Variants in SORCS2 observed in about 807,000 individuals in gnomAD.
The protein encoded by SORCS2 is sortilin related VPS10 domain containing receptor 2.
In SORCS2, 100 loss-of-function variants were observed where a neutral mutation model predicts 141.6. That is an observed-to-expected ratio of 0.71 (90% CI 0.60 to 0.83). The LOEUF is 0.83. Ranked by LOEUF, SORCS2 falls within the 40% of genes least tolerant of loss-of-function variation. The pLI, the probability that SORCS2 is intolerant of heterozygous loss-of-function variation, is 0.00. For missense variants in SORCS2, 1,646 were observed against 1,560.2 expected (o/e 1.05, Z -0.93); for synonymous variants, 789 against 676.9 (o/e 1.17, Z -2.57).
At chr4:7,459,377 G>T (rs369796956) in intron 2 of SORCS2, among the ~76,000 whole-genome samples, 1 of 152,194 alleles carries the variant, frequency 6.6e-6, no homozygotes, top group Non-Finnish European at 1.5e-5. Flanking sequence ...CAGAAAGGCG[G>T]TGGTGTTGAG....
At chr4:7,624,725 A>G (rs1011930825) in intron 3 of SORCS2, among the ~76,000 whole-genome samples, 36 of 152,366 alleles carry the variant, frequency 2.4e-4, no homozygotes, top group African/African-American at 7.7e-4. Context: ...ATAAAAGACA[A>G]TCTTCCAAAA....
chr4:7,387,846 G>C (rs1461298336), intron 1 of SORCS2, among the ~76,000 whole-genome samples: 3 of 137,046 alleles, frequency 2.2e-5, no homozygotes, highest in African/African-American at 7.9e-5. Context: ...ACATACACAT[G>C]CACACACATA....
At chr4:7,478,523 G>A (rs180831848) in intron 2 of SORCS2, among the ~76,000 whole-genome samples, 34 of 152,254 alleles carry the variant, frequency 2.2e-4, no homozygotes, top group African/African-American at 7.5e-4. Flanking sequence ...TGAGGCAGGG[G>A]TAGAGTCTGT....
At chr4:7,350,497 C>T (rs1720877586) in intron 1 of SORCS2, among the ~76,000 whole-genome samples, 1 of 152,216 alleles carries the variant, frequency 6.6e-6, no homozygotes, top group Admixed American at 6.5e-5. Flanking sequence ...TGGGACACTC[C>T]CAAAGGGCAG....
At position 7,715,166 on chromosome 4, in the gene SORCS2, C is replaced by T. The variant is rs1025621976; in HGVS notation, c.2124-17C>T. The T allele has an allele frequency of 6.2e-7, 1 of 1,612,524 alleles. No homozygotes were observed. Among genetic ancestry groups the T allele is most frequent in the Admixed American group, 1.7e-5 (1 of 59,916 alleles). On this transcript the variant is annotated splice_polypyrimidine_tract_variant and intron_variant, in intron 16 of 26. Transcript: ENST00000507866. ...CACCTGTGCCCGTCACTTACCACTA[C>T]TCTTCCCTCCTCCCAGCGACTACGG... is the stretch of plus-strand genomic sequence containing the variant.
intron 9 of SORCS2, among the ~76,000 whole-genome samples, chr4:7,676,665 C>T (rs1009601508): frequency 4.0e-5 from 6 of 151,770 alleles, no homozygotes; most frequent in African/African-American, 1.5e-4. Flanking sequence ...CTCTCTACCC[C>T]AGCCCCTTCG....
intron 3 of SORCS2, among the ~76,000 whole-genome samples, chr4:7,533,673 G>A (rs774573196): frequency 1.8e-4 from 28 of 152,230 alleles, no homozygotes; most frequent in African/African-American, 6.5e-4. Flanking sequence ...GGGCAGTAAC[G>A]GAACCAAGAG....
chr4:7,321,762 G>T (rs1196160203), intron 1 of SORCS2, among the ~76,000 whole-genome samples: 5 of 152,214 alleles, frequency 3.3e-5, no homozygotes, highest in Non-Finnish European at 7.3e-5. Context: ...TGTGGGCAGG[G>T]GACAGCTGGG....
chr4:7,321,952 T>A (rs953435442), intron 1 of SORCS2, among the ~76,000 whole-genome samples: 3 of 152,142 alleles, frequency 2.0e-5, no homozygotes, highest in Non-Finnish European at 4.4e-5. Flanking sequence ...TGGTGTGCAT[T>A]TAGCCCGGGT....
At chr4:7,641,235 G>A (rs1248522418) in intron 4 of SORCS2, among the ~76,000 whole-genome samples, 1 of 152,194 alleles carries the variant, frequency 6.6e-6, no homozygotes, top group Non-Finnish European at 1.5e-5. Flanking sequence ...TGAAGAAAGA[G>A]GTTTAATTGA....
chr4:7,721,944 A>G (rs1328759975), intron 18 of SORCS2, among the ~76,000 whole-genome samples: 2 of 152,218 alleles, frequency 1.3e-5, no homozygotes, highest in Admixed American at 6.5e-5. Context: ...GAAATATACC[A>G]GGATGTGAAT....
chr4:7,596,562 G>A (rs1047519135), intron 3 of SORCS2, among the ~76,000 whole-genome samples: 2 of 152,212 alleles, frequency 1.3e-5, no homozygotes, highest in Non-Finnish European at 2.9e-5. Context: ...CTCCTTTCGT[G>A]CTAAAACCCA....
intron 5 of SORCS2, among the ~76,000 whole-genome samples, chr4:7,659,279 A>G (rs1319600042): frequency 2.0e-5 from 3 of 151,156 alleles, no homozygotes; most frequent in African/African-American, 4.9e-5. Context: ...CTTTCATCAA[A>G]AAAAAAAAAG....
intron 2 of SORCS2, among the ~76,000 whole-genome samples, chr4:7,509,203 C>G (rs1308493655): frequency 1.3e-5 from 2 of 152,242 alleles, no homozygotes; most frequent in African/African-American, 4.8e-5. Flanking sequence ...CATTCGCTGC[C>G]CCCCCAGAGC....
At chr4:7,298,625 G>T (rs116696427) in intron 1 of SORCS2, among the ~76,000 whole-genome samples, 3,515 of 152,286 alleles carry the variant, frequency 0.023, 140 homozygotes, top group African/African-American at 0.079. Context: ...GACGGGAGAG[G>T]GCTGCCTGTC....
At chr4:7,403,208 G>A (rs1273585733) in intron 2 of SORCS2, among the ~76,000 whole-genome samples, 1 of 152,202 alleles carries the variant, frequency 6.6e-6, no homozygotes, top group Non-Finnish European at 1.5e-5. Flanking sequence ...TGTGTTGACT[G>A]TGGTTTGGTT....
At position 7,741,351 on chromosome 4, in the gene SORCS2, C is replaced by T. The variant is rs766885381; in HGVS notation, c.*1087C>T. 7.0e-5 allele frequency: 28 copies of T among 397,272 alleles called. No individual in the cohort carries two copies. Among genetic ancestry groups the T allele is most frequent in the African/African-American group, 1.2e-4 (6 of 48,444 alleles). 24.6% of individuals were successfully genotyped at this position (397,272 alleles called of 1,614,324 possible). On this transcript the variant is annotated 3_prime_UTR_variant, in exon 27 of 27. Coordinates refer to ENST00000507866, the MANE Select transcript of SORCS2 (RefSeq NM_020777.3). Reference sequence around the variant, plus strand: ...ACAGCACGGTCACAGCAGAGGTGGCCGAACCCAGCCCTCTGCGCGCCAGTG... The same window carrying T: ...ACAGCACGGTCACAGCAGAGGTGGCTGAACCCAGCCCTCTGCGCGCCAGTG...
chr4:7,268,465 C>A (rs1394760374), intron 1 of SORCS2, among the ~76,000 whole-genome samples: 1 of 152,194 alleles, frequency 6.6e-6, no homozygotes, highest in East Asian at 1.9e-4. Context: ...GGCCGTCAAA[C>A]TGAAGGAAGC....
chr4:7,673,981 G>C (rs1358506905), intron 8 of SORCS2, among the ~76,000 whole-genome samples: 1 of 152,216 alleles, frequency 6.6e-6, no homozygotes, highest in Non-Finnish European at 1.5e-5. Flanking sequence ...CCGGATGACA[G>C]AGTGCATTTT....
Sources: allele counts gnomAD v4.1 joint callset (sites outside exome capture counted in the v4.1 genomes callset), GRCh38; gene constraint gnomAD v4.1.1; transcripts MANE v1.5; gene names NCBI Gene and HGNC (gene_info 2026-07-23, HGNC 2026-07-21).